Variants in CNTN5 observed in about 807,000 individuals in gnomAD.
CNTN5 encodes contactin 5.
CNTN5 carries 77 observed loss-of-function variants against 129.1 expected under a neutral mutation model. The observed-to-expected ratio is 0.60, with a 90% CI of 0.50 to 0.72. CNTN5 has a LOEUF of 0.72. CNTN5 is among the 30% of genes least tolerant of loss of function. The pLI is 0.00. For synonymous variants in CNTN5, 509 were observed against 465.6 expected, an observed-to-expected ratio of 1.09 and a Z score of -1.20; for missense variants, 1,478 against 1,328.8, an observed-to-expected ratio of 1.11 and a Z score of -1.75.
At chr11:99,674,028 C>T (rs1953164293) in intron 3 of CNTN5, among the ~76,000 whole-genome samples, 2 of 152,046 alleles carry the variant, frequency 1.3e-5, no homozygotes, top group South Asian at 2.1e-4. Flanking sequence ...TTGAGGAATC[C>T]CCACACTGTT....
chr11:99,058,096 G>C (rs1001817412), intron 1 of CNTN5, among the ~76,000 whole-genome samples: 1 of 151,896 alleles, frequency 6.6e-6, no homozygotes, highest in Non-Finnish European at 1.5e-5. Context: ...TAATTGAAGG[G>C]ATGACGACAG....
At chr11:99,086,534 C>T (rs762103452) in intron 1 of CNTN5, among the ~76,000 whole-genome samples, 2 of 152,082 alleles carry the variant, frequency 1.3e-5, no homozygotes, top group African/African-American at 2.4e-5. Flanking sequence ...ACAATCAGAT[C>T]GTGCGTGAGC....
intron 3 of CNTN5, among the ~76,000 whole-genome samples, chr11:99,797,350 C>A (rs759470103): frequency 9.2e-5 from 14 of 152,204 alleles, no homozygotes; most frequent in African/African-American, 2.6e-4. Context: ...GTTGGCTGAG[C>A]AAATTTACAT....
At chr11:99,482,991 T>C (rs980882978) in intron 2 of CNTN5, among the ~76,000 whole-genome samples, 5 of 151,548 alleles carry the variant, frequency 3.3e-5, no homozygotes, top group African/African-American at 1.2e-4. Flanking sequence ...TTGGCCAATA[T>C]GGTTAAAGCC....
In CNTN5 at chr11:100,074,214, C is replaced by T. The variant is rs1383307032; in HGVS notation, c.1500C>T (p.Val500=). 1 of 1,612,024 alleles carries T rather than the reference C, an allele frequency of 6.2e-7. No homozygotes were observed. Among genetic ancestry groups the T allele is most frequent in the Non-Finnish European group, 8.5e-7 (1 of 1,178,868 alleles). The change falls in exon 13 of 25, where the codon GTC becomes GTT. Residue 500 remains valine (V), a synonymous_variant. Coordinates refer to ENST00000524871, the MANE Select transcript of CNTN5 (RefSeq NM_014361.4). The part of the protein sequence containing the change: ...TIIVTKDQEV[V]IECKPQGSPK... Reference sequence around the variant, plus strand: ...TTGTTACCAAAGACCAAGAAGTTGTCATAGAGTGCAAACCCCAAGGCTCTC... The same window carrying T: ...TTGTTACCAAAGACCAAGAAGTTGTTATAGAGTGCAAACCCCAAGGCTCTC...
At chr11:99,958,200 G>A (rs983749092) in intron 8 of CNTN5, among the ~76,000 whole-genome samples, 14 of 152,262 alleles carry the variant, frequency 9.2e-5, no homozygotes, top group African/African-American at 3.1e-4. Flanking sequence ...AAACTAATCC[G>A]CCAAGAGGCG....
chr11:99,962,903 G>A (rs981544151), intron 8 of CNTN5, among the ~76,000 whole-genome samples: 3 of 150,504 alleles, frequency 2.0e-5, no homozygotes, highest in Admixed American at 2.0e-4. Context: ...TTTCTCTGAT[G>A]GCCAGTGATG....
intron 3 of CNTN5, among the ~76,000 whole-genome samples, chr11:99,770,799 G>GA (rs1410510803): frequency 4.6e-5 from 7 of 151,898 alleles, no homozygotes; most frequent in East Asian, 3.9e-4. Context: ...ACAGTTATTA[G>GA]AAAAAATCAT....
chr11:99,983,962 T>A (rs1938511492), intron 8 of CNTN5, among the ~76,000 whole-genome samples: 1 of 152,122 alleles, frequency 6.6e-6, no homozygotes, highest in South Asian at 2.1e-4. Context: ...ATGATTGGTA[T>A]CATAAGAAAT....
At chr11:99,241,782 C>T (rs1275710978) in intron 1 of CNTN5, among the ~76,000 whole-genome samples, 1 of 152,068 alleles carries the variant, frequency 6.6e-6, no homozygotes, top group Non-Finnish European at 1.5e-5. Context: ...TCAAAAGCTC[C>T]AAGAAAGTCT....
At chr11:99,212,252 T>G (rs1195773694) in intron 1 of CNTN5, among the ~76,000 whole-genome samples, 4 of 152,170 alleles carry the variant, frequency 2.6e-5, no homozygotes, top group Non-Finnish European at 4.4e-5. Flanking sequence ...AGAGTGCCTA[T>G]GATTTCACCG....
chr11:99,975,668 A>G (rs1391765510), intron 8 of CNTN5, among the ~76,000 whole-genome samples: 1 of 152,054 alleles, frequency 6.6e-6, no homozygotes, highest in Non-Finnish European at 1.5e-5. Context: ...GAAAAGCCAC[A>G]CCTTTGAAAT....
At chr11:99,332,419 T>C (rs1345158950) in intron 2 of CNTN5, among the ~76,000 whole-genome samples, 1 of 152,160 alleles carries the variant, frequency 6.6e-6, no homozygotes, top group African/African-American at 2.4e-5. Context: ...TTGTATCTTA[T>C]ACCAATCTGT....
At chr11:99,913,570 A>G (rs1390228701) in intron 6 of CNTN5, among the ~76,000 whole-genome samples, 2 of 152,060 alleles carry the variant, frequency 1.3e-5, no homozygotes, top group Non-Finnish European at 2.9e-5. Context: ...TTTTGCTTGT[A>G]TTAAAAGCTG....
At chr11:99,676,952 A>G (rs1953313975) in intron 3 of CNTN5, among the ~76,000 whole-genome samples, 1 of 152,168 alleles carries the variant, frequency 6.6e-6, no homozygotes, top group Non-Finnish European at 1.5e-5. Context: ...CTAGGTTATT[A>G]AAATATGTAT....
intron 3 of CNTN5, among the ~76,000 whole-genome samples, chr11:99,793,062 T>C (rs1035760867): frequency 2.6e-5 from 4 of 151,200 alleles, no homozygotes; most frequent in Non-Finnish European, 5.9e-5. Context: ...ATCTATCTTA[T>C]TAATTTTTTT....
intron 1 of CNTN5, among the ~76,000 whole-genome samples, chr11:99,286,674 C>T (rs1037404403): frequency 6.6e-6 from 1 of 152,030 alleles, no homozygotes; most frequent in African/African-American, 2.4e-5. Flanking sequence ...TACAAGAATA[C>T]TTTCTTGTTT....
At chr11:99,072,154 T>C (rs1421088041) in intron 1 of CNTN5, among the ~76,000 whole-genome samples, 1 of 152,066 alleles carries the variant, frequency 6.6e-6, no homozygotes, top group East Asian at 1.9e-4. Flanking sequence ...GGGTTTGGAA[T>C]GAATGGGAAG....
intron 6 of CNTN5, among the ~76,000 whole-genome samples, chr11:99,903,776 A>G (rs76048753): frequency 0.014 from 2,058 of 152,338 alleles, 22 homozygotes; most frequent in Non-Finnish European, 0.02. Flanking sequence ...TCATCTGACA[A>G]AGGATTAATA....
Sources: allele counts gnomAD v4.1 joint callset (sites outside exome capture counted in the v4.1 genomes callset), GRCh38; gene constraint gnomAD v4.1.1; transcripts MANE v1.5; gene names NCBI Gene and HGNC (gene_info 2026-07-23, HGNC 2026-07-21).